Variants in CRB1 observed in about 807,000 individuals in gnomAD.
CRB1 encodes the protein protein crumbs homolog 1.
In CRB1, 83 loss-of-function variants were observed where a neutral mutation model predicts 120.0. That is an observed-to-expected ratio of 0.69 (90% CI 0.58 to 0.83). The LOEUF (loss-of-function observed/expected upper bound fraction) is 0.83. Among genes scored for constraint, CRB1 ranks in the 40% least tolerant of loss-of-function variants. The pLI is 0.00. For synonymous variants in CRB1, 625 were observed against 612.5 expected (o/e 1.02, Z -0.30); for missense variants, 1,699 against 1,687.6 (o/e 1.01, Z -0.12).
intron 5 of CRB1, among the ~76,000 whole-genome samples, chr1:197,371,747 A>G (rs1187401200): frequency 6.6e-6 from 1 of 152,172 alleles, no homozygotes; most frequent in Non-Finnish European, 1.5e-5. Flanking sequence ...AGTACTGCAC[A>G]GACAGATTTT....
intron 5 of CRB1, among the ~76,000 whole-genome samples, chr1:197,362,832 C>T (rs2786118): frequency 0.076 from 11,535 of 152,042 alleles, 1,523 homozygotes; most frequent in African/African-American, 0.26. Flanking sequence ...TTTAATTCAT[C>T]TTGCCAATTT....
chr1:197,387,502 A>C (rs1287856545), intron 5 of CRB1, among the ~76,000 whole-genome samples: 2 of 152,028 alleles, frequency 1.3e-5, no homozygotes, highest in African/African-American at 4.8e-5. Context: ...CGCTCCATAG[A>C]ATTCTCTAAA....
At position 197,427,668 on chromosome 1, in the gene CRB1, A is replaced by G. The variant is rs1664660815; in HGVS notation, c.2343A>G (p.Lys781=). The change falls in exon 7 of 12, where the codon AAA becomes AAG. Residue 781 remains lysine, a synonymous_variant. Transcript: ENST00000367400. ...CAATGCTGACTCCAAACTCTCCCAA[A>G]TTAGTAGTAAAATTTGTTCTTAATG... The part of the protein sequence containing the change: ...RLAMLTPNSP[K]LVVKFVLNDG... 6.2e-7 allele frequency: 1 copy of G among 1,613,982 alleles called. No individual in the cohort carries two copies. Among genetic ancestry groups the G allele is most frequent in the Non-Finnish European group, 8.5e-7 (1 of 1,179,964 alleles).
chr1:197,373,113 T>C (rs1661460769), intron 5 of CRB1, among the ~76,000 whole-genome samples: 1 of 152,134 alleles, frequency 6.6e-6, no homozygotes, highest in Non-Finnish European at 1.5e-5. Flanking sequence ...CCCAACCCAG[T>C]AGCTATAACT....
chr1:197,305,420 A>G (rs1171763678), intron 1 of CRB1, among the ~76,000 whole-genome samples: 1 of 152,116 alleles, frequency 6.6e-6, no homozygotes. Flanking sequence ...TGTTCCAAAA[A>G]ATTTTATGTA....
At chr1:197,386,525 A>G (rs1213297298) in intron 5 of CRB1, among the ~76,000 whole-genome samples, 1 of 152,150 alleles carries the variant, frequency 6.6e-6, no homozygotes, top group African/African-American at 2.4e-5. Flanking sequence ...CTGAATTCAT[A>G]TCTGTCCCAG....
intron 1 of CRB1, among the ~76,000 whole-genome samples, chr1:197,270,476 A>G (rs1654846644): frequency 6.6e-6 from 1 of 152,136 alleles, no homozygotes; most frequent in African/African-American, 2.4e-5. Context: ...AATACAGGTA[A>G]CCAGAAGCTC....
intron 5 of CRB1, among the ~76,000 whole-genome samples, chr1:197,386,781 T>C (rs185435748): frequency 6.6e-6 from 1 of 152,280 alleles, no homozygotes; most frequent in East Asian, 1.9e-4. Flanking sequence ...CATTCTCTCT[T>C]TGAAATATTT....
the CRB1 span, among the ~76,000 whole-genome samples, chr1:197,230,037 C>T: frequency 1.3e-5 from 2 of 152,158 alleles, no homozygotes; most frequent in Non-Finnish European, 2.9e-5. Flanking sequence ...ACACTAAGTG[C>T]ATTATATGTA....
chr1:197,465,065 T>C (rs530995540), intron 11 of CRB1, among the ~76,000 whole-genome samples: 1 of 152,324 alleles, frequency 6.6e-6, no homozygotes, highest in African/African-American at 2.4e-5. Flanking sequence ...ATTGTGAATA[T>C]CATAATTACC....
rs539403572 is a variant in CRB1 at position 197,415,245 on chromosome 1, G to A, written c.1172-5755G>A. ...AACATCTTATTTCAAGCTCTAATAA[G>A]CTTATGTGTCAATAGTTTTAATAGC... is the stretch of plus-strand genomic sequence containing the variant. On this transcript the variant is annotated intron_variant, in intron 5 of 11. Transcript: ENST00000367400. 2.6e-5 allele frequency among the ~76,000 whole-genome samples: 4 copies of A among 152,300 alleles called. No individual in the cohort carries two copies. In the South Asian group the frequency reaches 6.2e-4, roughly 24 times the overall value.
the CRB1 span, among the ~76,000 whole-genome samples, chr1:197,249,798 T>C: frequency 6.6e-6 from 1 of 151,962 alleles, no homozygotes; most frequent in Admixed American, 6.6e-5. Flanking sequence ...AGCAAGATAA[T>C]ACTCTGACAT....
intron 6 of CRB1, among the ~76,000 whole-genome samples, chr1:197,425,106 C>G (rs1053550406): frequency 6.6e-6 from 1 of 152,198 alleles, no homozygotes; most frequent in Non-Finnish European, 1.5e-5. Flanking sequence ...CCCGCTACCC[C>G]TGAGGTTGAG....
intron 1 of CRB1, among the ~76,000 whole-genome samples, chr1:197,276,070 C>T (rs1485105186): frequency 2.0e-5 from 3 of 151,730 alleles, no homozygotes; most frequent in African/African-American, 7.3e-5. Flanking sequence ...AGTTTCGTTG[C>T]AACATGCTAA....
At chr1:197,398,640 T>C (rs1662896880) in intron 5 of CRB1, among the ~76,000 whole-genome samples, 1 of 152,140 alleles carries the variant, frequency 6.6e-6, no homozygotes. Flanking sequence ...ATCTGAATAA[T>C]GGTGGAGTCA....
the CRB1 span, among the ~76,000 whole-genome samples, chr1:197,241,929 A>G: frequency 2.6e-5 from 4 of 151,896 alleles, no homozygotes; most frequent in Non-Finnish European, 5.9e-5. Context: ...TTGTATTCCT[A>G]GGTATTTTAT....
chr1:197,453,924 T>C (rs1571598970), intron 11 of CRB1, among the ~76,000 whole-genome samples: 1 of 41,626 alleles, frequency 2.4e-5, no homozygotes, highest in Admixed American at 2.5e-4. Flanking sequence ...TTATTGATAT[T>C]ATTATATTAT....
At chr1:197,344,155 G>T in intron 2 of CRB1, 126 bp from the exon 3 acceptor site, 1 of 960,662 alleles carries the variant, frequency 1.0e-6, no homozygotes. Context: ...CAATTAAGGG[G>T]GAAAGTTATT....
At chr1:197,332,878 G>C (rs1389389971) in intron 2 of CRB1, among the ~76,000 whole-genome samples, 2 of 152,132 alleles carry the variant, frequency 1.3e-5, no homozygotes, top group African/African-American at 4.8e-5. Context: ...TGGCAGCCCA[G>C]GCCAACTAAC....
Sources: allele counts gnomAD v4.1 joint callset (sites outside exome capture counted in the v4.1 genomes callset), GRCh38; gene constraint gnomAD v4.1.1; transcripts MANE v1.5; gene names NCBI Gene and HGNC (gene_info 2026-07-23, HGNC 2026-07-21).